Variants in ELOVL7 observed in about 807,000 individuals in gnomAD.
ELOVL7 encodes the protein ELOVL fatty acid elongase 7, also known as very long chain fatty acid elongase 7.
In ELOVL7, 27 loss-of-function variants were observed where a neutral mutation model predicts 35.7. The observed-to-expected ratio is 0.76, with a 90% CI of 0.56 to 1.04. The LOEUF (loss-of-function observed/expected upper bound fraction) is 1.04. ELOVL7 is among the 50% of genes least tolerant of loss of function. The pLI, the probability that ELOVL7 is intolerant of heterozygous loss-of-function variation, is 0.00. For missense variants in ELOVL7, 327 were observed against 340.8 expected, an observed-to-expected ratio of 0.96 and a Z score of 0.32; for synonymous variants, 113 against 114.6, an observed-to-expected ratio of 0.99 and a Z score of 0.09.
intron 1 of ELOVL7, among the ~76,000 whole-genome samples, chr5:60,813,992 A>G (rs949264487): frequency 6.6e-6 from 1 of 152,178 alleles, no homozygotes; most frequent in Non-Finnish European, 1.5e-5. Context: ...TGTGCCTCAG[A>G]TGAAAGCAGT....
At chr5:60,767,623 A>C (rs974071664) in intron 5 of ELOVL7, among the ~76,000 whole-genome samples, 200 bp downstream of exon 5, 20 of 152,250 alleles carry the variant, frequency 1.3e-4, no homozygotes, top group African/African-American at 4.8e-4. Context: ...ATTAAAAAAG[A>C]AAAGCACCAA....
chr5:60,785,895 A>T (rs1197442751), intron 3 of ELOVL7: 1 of 152,230 alleles, frequency 6.6e-6, no homozygotes, highest in Non-Finnish European at 1.5e-5. Context: ...GGTCTTTAGT[A>T]GTCTGCTGAG....
At chr5:60,800,470 GA>G (rs1289200808) in intron 1 of ELOVL7, among the ~76,000 whole-genome samples, 1 of 152,130 alleles carries the variant, frequency 6.6e-6, no homozygotes, top group African/African-American at 2.4e-5. Context: ...CAGTTTAGAA[GA>G]AACCTCAAAA....
In ELOVL7 at chr5:60,771,950, T is replaced by C. The variant is rs757408055; in HGVS notation, c.208A>G (p.Thr70Ala). 4 of 1,613,798 alleles carry C rather than the reference T, an allele frequency of 2.5e-6. No individual in the cohort carries two copies. Among genetic ancestry groups the C allele is most frequent in the Non-Finnish European group, 3.4e-6 (4 of 1,179,912 alleles). ...AAGAGTACTATGAAAAAATTGTACG[T>C]TATCATTGCTTTCTTGAGTTCAAAG... ...KPFELKKAMITYNFFIVLFSV... is the reference protein window; with the variant it reads ...KPFELKKAMIAYNFFIVLFSV... Residue 70 changes from threonine (T) to alanine (A), a missense_variant, in exon 4 of 9, where the codon ACG becomes GCG. By Grantham distance (58) the Thr-to-Ala change is moderately conservative. Transcript: ENST00000508821.
chr5:60,832,723 C>A (rs1010006828), intron 1 of ELOVL7, among the ~76,000 whole-genome samples: 1 of 152,102 alleles, frequency 6.6e-6, no homozygotes, highest in Non-Finnish European at 1.5e-5. Flanking sequence ...CTCCATTAAC[C>A]TTCCCCCTTC....
rs970201767 is a variant in ELOVL7, at chr5:60,751,903, G to T, written c.*2721C>A. 22 of 152,154 alleles carry T rather than the reference G, an allele frequency of 1.4e-4. No individual in the cohort carries two copies. Among genetic ancestry groups the T allele is most frequent in the African/African-American group, 5.1e-4 (21 of 41,518 alleles). 9.4% of individuals were successfully genotyped at this position (152,154 alleles called of 1,614,324 possible). A position where few individuals can be genotyped will look rare whatever the true frequency, so the allele number is the denominator to read the frequency against. ...AAAGTTAGCAGAAATAAAGGGTAAT[G>T]GAAAGAATATAATCTCGTAATTTTA... On this transcript the variant is annotated 3_prime_UTR_variant, in exon 9 of 9. Transcript: ENST00000508821.
chr5:60,772,176 C>G (rs1210877890), intron 3 of ELOVL7, 83 bp from the exon 4 acceptor site: 8 of 798,560 alleles, frequency 1.0e-5, no homozygotes, highest in Non-Finnish European at 1.6e-5. Flanking sequence ...AACTGAGCAC[C>G]CAGATCCTAC....
chr5:60,810,641 G>T (rs1311451830), intron 1 of ELOVL7, among the ~76,000 whole-genome samples: 1 of 152,104 alleles, frequency 6.6e-6, no homozygotes, highest in Non-Finnish European at 1.5e-5. Context: ...GTTTTTCAGG[G>T]CTGGCATCTG....
intron 2 of ELOVL7, among the ~76,000 whole-genome samples, chr5:60,798,221 T>C (rs1471628017): frequency 6.6e-6 from 1 of 152,196 alleles, no homozygotes; most frequent in Non-Finnish European, 1.5e-5. Context: ...CAAAATTAAC[T>C]GAGAAACCTT....
intron 1 of ELOVL7, among the ~76,000 whole-genome samples, chr5:60,836,161 T>C (rs1255686270): frequency 6.6e-6 from 1 of 151,932 alleles, no homozygotes; most frequent in Non-Finnish European, 1.5e-5. Context: ...ATATACACAT[T>C]TTATTTAAAA....
At chr5:60,833,956 A>G (rs2112393476) in intron 1 of ELOVL7, among the ~76,000 whole-genome samples, 1 of 152,284 alleles carries the variant, frequency 6.6e-6, no homozygotes, top group East Asian at 1.9e-4. Context: ...GAATAACTAT[A>G]CTTTTATAAT....
At chr5:60,837,214 A>T (rs1746849913) in intron 1 of ELOVL7, among the ~76,000 whole-genome samples, 1 of 150,706 alleles carries the variant, frequency 6.6e-6, no homozygotes, top group Non-Finnish European at 1.5e-5. Flanking sequence ...CGGGCAGATC[A>T]CCTGAGGTCG....
In ELOVL7 at chr5:60,764,625, A is replaced by C. The variant is rs542873929; in HGVS notation, c.394-293T>G. On this transcript the variant is annotated intron_variant, in intron 6 of 8. Coordinates refer to ENST00000508821, the MANE Select transcript of ELOVL7 (RefSeq NM_024930.3). The stretch of plus-strand genomic sequence containing the variant: ...TAAAGTAAGGAATATGGCCAAAATT[A>C]TTGAAAGAAATTGTATTGATAAAAA... Among the ~76,000 whole-genome samples the C allele has an allele frequency of 4.6e-5, 7 of 150,718 alleles. No individual in the cohort carries two copies. In the East Asian group the frequency reaches 1.4e-3, roughly 30 times the overall value.
At chr5:60,764,916 T>G (rs951038374) in intron 6 of ELOVL7, among the ~76,000 whole-genome samples, 1 of 151,448 alleles carries the variant, frequency 6.6e-6, no homozygotes, top group African/African-American at 2.4e-5. Flanking sequence ...ACACTCAGAG[T>G]GAACGTTATC....
At chr5:60,807,525 T>C (rs1313476848) in intron 1 of ELOVL7, among the ~76,000 whole-genome samples, 2 of 63,762 alleles carry the variant, frequency 3.1e-5, no homozygotes, top group Non-Finnish European at 6.7e-5. Flanking sequence ...TAATATTCAT[T>C]TGATGAAAAA....
intron 3 of ELOVL7, among the ~76,000 whole-genome samples, chr5:60,781,955 C>T (rs1743280605): frequency 6.6e-6 from 1 of 152,196 alleles, no homozygotes; most frequent in Admixed American, 6.5e-5. Context: ...GTTATTATAG[C>T]AGATCTCAAT....
At chr5:60,772,575 G>A (rs895618277) in intron 3 of ELOVL7, among the ~76,000 whole-genome samples, 6 of 152,190 alleles carry the variant, frequency 3.9e-5, no homozygotes, top group African/African-American at 1.4e-4. Context: ...TTGACTGTCA[G>A]TTGAGGGATT....
chr5:60,762,497 T>A (rs549464138), intron 7 of ELOVL7, among the ~76,000 whole-genome samples: 1 of 152,118 alleles, frequency 6.6e-6, no homozygotes, highest in Admixed American at 6.5e-5. Flanking sequence ...ATTTAAAAAT[T>A]AGAAAATATA....
chr5:60,841,163 C>T (rs901254303), intron 1 of ELOVL7, among the ~76,000 whole-genome samples: 1 of 151,506 alleles, frequency 6.6e-6, no homozygotes, highest in African/African-American at 2.4e-5. Flanking sequence ...GTAGCTGGGA[C>T]TACAGGCATG....
Sources: allele counts gnomAD v4.1 joint callset (sites outside exome capture counted in the v4.1 genomes callset), GRCh38; gene constraint gnomAD v4.1.1; transcripts MANE v1.5; gene names NCBI Gene and HGNC (gene_info 2026-07-23, HGNC 2026-07-21).